KLHL11: variants seen among roughly 807,000 people sequenced by gnomAD.
The protein encoded by KLHL11 is kelch-like protein 11.
A neutral mutation model predicts 56.1 loss-of-function variants in KLHL11; 26 were observed. The observed-to-expected ratio is 0.46, with a 90% CI of 0.34 to 0.64. KLHL11 has a LOEUF of 0.64. KLHL11 is among the 30% of genes least tolerant of loss of function. The pLI, the probability that KLHL11 is intolerant of heterozygous loss-of-function variation, is 0.01. For missense variants in KLHL11, 627 were observed against 919.4 expected, an observed-to-expected ratio of 0.68 and a Z score of 4.11; for synonymous variants, 338 against 345.8, an observed-to-expected ratio of 0.98 and a Z score of 0.25.
intron 1 of KLHL11, among the ~76,000 whole-genome samples, chr17:41,862,559 C>T (rs763246652): frequency 7.2e-5 from 11 of 151,932 alleles, no homozygotes; most frequent in Non-Finnish European, 1.6e-4. Flanking sequence ...GGATTACTGG[C>T]GTGAGCCACC....
In KLHL11 at chr17:41,853,107, T is replaced by C. The variant is rs1444203842; in HGVS notation, c.*633A>G. ...TGAAGGCTTAAAGTCTATAAACAGC[T>C]GCTAATGAAAAATATTCAAAAAATG... On this transcript the variant is annotated 3_prime_UTR_variant, in exon 2 of 2. Coordinates refer to ENST00000319121, the MANE Select transcript of KLHL11 (RefSeq NM_018143.3). Among the ~76,000 whole-genome samples, 1 of 152,170 alleles carries C rather than the reference T, an allele frequency of 6.6e-6. No individual in the cohort carries two copies. The highest frequency in any genetic ancestry group is 2.4e-5 in the African/African-American group (1 of 41,430).
chr17:41,865,307 C>T lies in KLHL11; in HGVS notation c.64G>A (p.Glu22Lys), dbSNP rs2048434931. The change falls in exon 1 of 2, where the codon GAG (glutamate) becomes AAG (lysine). Residue 22 changes from glutamate (E) to lysine (K), a missense_variant. Transcript: ENST00000319121. ...AAAAASLQVLEMESMETAAAG... is the reference protein window; with the variant it reads ...AAAAASLQVLKMESMETAAAG... ...GCGGCCGTCTCCATGCTCTCCATCTCCAGTACCTGAAGAGATGCAGCCGCG... is the reference window on the plus strand; with the variant it reads ...GCGGCCGTCTCCATGCTCTCCATCTTCAGTACCTGAAGAGATGCAGCCGCG... 4 of 1,552,048 alleles carry T rather than the reference C, an allele frequency of 2.6e-6. No individual in the cohort carries two copies.
intron 1 of KLHL11, among the ~76,000 whole-genome samples, chr17:41,857,964 G>A (rs34200091): frequency 0.14 from 21,959 of 151,764 alleles, 1,743 homozygotes; most frequent in East Asian, 0.18. Context: ...TTACAGGCGC[G>A]CGCCACCACA....
Position 41,855,203 on chromosome 17 carries a change from G to C in KLHL11, c.664C>G (p.Leu222Val). ...AHMYTLSQLA[L>V]KAADMIRRNF... ...CTCCGTATCATATCAGCAGCCTTCA[G>C]AGCAAGTTGGCTCAGGGTGTACATG... Residue 222 changes from leucine (L) to valine (V), a missense_variant, in exon 2 of 2, where the codon CTG becomes GTG. By Grantham distance (32) the Leu-to-Val change is conservative (BLOSUM62 1). Around this residue, in one of 4 missense-constraint regions of KLHL11, gnomAD observed 150 missense variants for 215.7 expected, o/e 0.70. Coordinates refer to ENST00000319121, the MANE Select transcript of KLHL11 (RefSeq NM_018143.3). 6.2e-7 allele frequency: 1 copy of C among 1,614,118 alleles called. No homozygotes were observed. The highest frequency in any genetic ancestry group is 8.5e-7 in the Non-Finnish European group (1 of 1,180,022).
Position 41,865,083 on chromosome 17 carries a change from A to G in KLHL11, c.288T>C (p.Ile96=). The G allele has an allele frequency of 6.2e-7, 1 of 1,602,170 alleles. No individual in the cohort carries two copies. Among genetic ancestry groups the G allele is most frequent in the Non-Finnish European group, 8.5e-7 (1 of 1,173,126 alleles). The change falls in exon 1 of 2, where the codon ATT becomes ATC. Residue 96 remains isoleucine, a synonymous_variant. Transcript: ENST00000319121. The part of the protein sequence containing the change: ...EQRRQGLFCD[I]TLCFGGAGGR... ...CTCCAGCCCCGCCGAAGCACAGGGT[A>G]ATGTCGCAGAAGAGGCCCTGGCGCC...
chr17:41,858,404 A>T (rs868968284), intron 1 of KLHL11, among the ~76,000 whole-genome samples: 52 of 66,942 alleles, frequency 7.8e-4, no homozygotes, highest in African/African-American at 1.8e-3. Flanking sequence ...ATATATATAT[A>T]TTTTTTGTTG....
At chr17:41,859,490 G>A (rs534469517) in intron 1 of KLHL11, among the ~76,000 whole-genome samples, 1 of 152,140 alleles carries the variant, frequency 6.6e-6, no homozygotes, top group Non-Finnish European at 1.5e-5. Flanking sequence ...GCTTGAACCC[G>A]GGAGGTGGAG....
chr17:41,854,582 T>C lies in KLHL11; in HGVS notation c.1285A>G (p.Asn429Asp). 1 of 1,614,236 alleles carries C rather than the reference T, an allele frequency of 6.2e-7. No individual in the cohort carries two copies. Among genetic ancestry groups the C allele is most frequent in the East Asian group, 2.2e-5 (1 of 44,892 alleles). The change falls in exon 2 of 2, where the codon AAT becomes GAT. Residue 429 changes from asparagine to aspartate, a missense_variant. Physicochemically the swap from Asn to Asp is conservative, Grantham distance 23. Coordinates refer to ENST00000319121, the MANE Select transcript of KLHL11 (RefSeq NM_018143.3). The surrounding 1 kb of genome is among the most constrained non-coding windows in gnomAD (Gnocchi z 4.9). ...CAAACATGTTCCCATGTATTCAAAT[T>C]TGGGTTATACCTTTCTACAGTTTTA... Reference protein sequence around the residue: ...FAKTVERYNPNLNTWEHVCSL... With the variant: ...FAKTVERYNPDLNTWEHVCSL...
At position 41,851,476 on chromosome 17, in the gene KLHL11, C is replaced by T. The variant is rs2048331554; in HGVS notation, c.*2264G>A. The T allele has an allele frequency of 6.6e-6, 1 of 151,954 alleles. No homozygotes were observed. The highest frequency in any genetic ancestry group is 6.6e-5 in the Admixed American group (1 of 15,242). 9.4% of individuals were successfully genotyped at this position (151,954 alleles called of 1,614,324 possible). The stretch of plus-strand genomic sequence containing the variant: ...AATTAGCCGGGCGTGGTGGTACACA[C>T]CTGCAATCCCAGCTACTCAGCAGGC... On this transcript the variant is annotated 3_prime_UTR_variant, in exon 2 of 2. Transcript: ENST00000319121.
Position 41,863,527 on chromosome 17 carries a change from A to G in KLHL11, c.545+1299T>C, listed in dbSNP as rs113898327. 1.6e-3 allele frequency among the ~76,000 whole-genome samples: 237 copies of G among 152,230 alleles called. 2 individuals carry two copies. The highest frequency in any genetic ancestry group is 5.5e-3 in the African/African-American group (228 of 41,540). Reference sequence around the variant, plus strand: ...TCCTTTTTTCAGCACAGCACTATTCATCAAATCAGACTGCATCATTCCTCT... The same window carrying G: ...TCCTTTTTTCAGCACAGCACTATTCGTCAAATCAGACTGCATCATTCCTCT... On this transcript the variant is annotated intron_variant, in intron 1 of 1. Coordinates refer to ENST00000319121, the MANE Select transcript of KLHL11 (RefSeq NM_018143.3).
In KLHL11 at chr17:41,853,887, C is replaced by A; in HGVS notation, c.1980G>T (p.Arg660Ser). The A allele has an allele frequency of 6.2e-7, 1 of 1,614,126 alleles. No homozygotes were observed. The highest frequency in any genetic ancestry group is 8.5e-7 in the Non-Finnish European group (1 of 1,180,046). ...PRCRATACHV[R>S]IPYRYLHGTQ... ...TGCCATGCAAGTACCGGTATGGGAT[C>A]CTCACGTGACAAGCAGTGGCTCTAC... The change falls in exon 2 of 2, where the codon AGG (arginine) becomes AGT (serine). Residue 660 changes from arginine (R) to serine (S), a missense_variant. Arg to Ser is a moderately radical substitution (Grantham distance 110). This residue lies in a region of KLHL11 where 250 missense variants were observed against 360.6 expected (regional missense o/e 0.69). Transcript: ENST00000319121.
rs2144151265 is a variant in KLHL11, at chr17:41,853,684, T to C, written c.*56A>G. On this transcript the variant is annotated 3_prime_UTR_variant, in exon 2 of 2. Coordinates refer to ENST00000319121, the MANE Select transcript of KLHL11 (RefSeq NM_018143.3). Reference sequence around the variant, plus strand: ...ATACTTTTTTAAATAACAGCCTGGGTATCTTCAGCTTCACGAAACGGGTGT... The same window carrying C: ...ATACTTTTTTAAATAACAGCCTGGGCATCTTCAGCTTCACGAAACGGGTGT... 1 of 1,532,448 alleles carries C rather than the reference T, an allele frequency of 6.5e-7. No homozygotes were observed. Among genetic ancestry groups the C allele is most frequent in the African/African-American group, 1.4e-5 (1 of 72,772 alleles). 94.9% of individuals were successfully genotyped at this position (1,532,448 alleles called of 1,614,324 possible). A position where few individuals can be genotyped will look rare whatever the true frequency, so the allele number is the denominator to read the frequency against.
At position 41,858,070 on chromosome 17, in the gene KLHL11, G is replaced by A. The variant is rs186841226; in HGVS notation, c.546-2749C>T. Among the ~76,000 whole-genome samples the A allele has an allele frequency of 2.6e-3, 388 of 151,942 alleles. 3 individuals carry two copies. The highest frequency in any genetic ancestry group is 8.9e-3 in the African/African-American group (369 of 41,412). ...TGACCTCAGGTGACCCACTTGCCTC[G>A]CCCTCCCAAAGTGCTGGGGTTACAG... On this transcript the variant is annotated intron_variant, in intron 1 of 1. Coordinates refer to ENST00000319121, the MANE Select transcript of KLHL11 (RefSeq NM_018143.3).
Position 41,865,333 on chromosome 17 carries a change from G to A in KLHL11, c.38C>T (p.Ala13Val), listed in dbSNP as rs1054868854. The A allele has an allele frequency of 3.6e-6, 5 of 1,374,090 alleles. No individual in the cohort carries two copies. Among genetic ancestry groups the A allele is most frequent in the Admixed American group, 3.4e-5 (1 of 29,518 alleles). 85.1% of individuals were successfully genotyped at this position (1,374,090 alleles called of 1,614,324 possible). ...CAGTACCTGAAGAGATGCAGCCGCG[G>A]CCGCCGCCGCCGCCGCCGCCACTGC... is the stretch of plus-strand genomic sequence containing the variant. ...AAAVAAAAAA[A>V]AAASLQVLEM... Residue 13 changes from alanine to valine, a missense_variant, in exon 1 of 2, where the codon GCC becomes GTC. By Grantham distance (64) the Ala-to-Val change is moderately conservative (BLOSUM62 0). Around this residue, in one of 4 missense-constraint regions of KLHL11, gnomAD observed 121 missense variants for 116.2 expected, o/e 1.04. Coordinates refer to ENST00000319121, the MANE Select transcript of KLHL11 (RefSeq NM_018143.3).
Position 41,865,280 on chromosome 17 carries a change from C to T in KLHL11, c.91G>A (p.Ala31Thr), listed in dbSNP as rs782049707. 4.5e-6 allele frequency: 7 copies of T among 1,569,088 alleles called. No homozygotes were observed. The highest frequency in any genetic ancestry group is 2.3e-5 in the East Asian group (1 of 42,876). Reference protein sequence around the residue: ...LEMESMETAAAGSAGLAAEVR... With the variant: ...LEMESMETAATGSAGLAAEVR... ...TCGGCGGCCAGTCCTGCCGAGCCGG[C>T]GGCGGCCGTCTCCATGCTCTCCATC... The change falls in exon 1 of 2, where the codon GCC (alanine) becomes ACC (threonine). Residue 31 changes from alanine (A) to threonine (T), a missense_variant. Coordinates refer to ENST00000319121, the MANE Select transcript of KLHL11 (RefSeq NM_018143.3).
At chr17:41,864,787 G>T in intron 1 of KLHL11, 39 bp downstream of exon 1, 1 of 1,478,002 alleles carries the variant, frequency 6.8e-7, no homozygotes. Context: ...CCCCCTCTCC[G>T]CGCCCGCCGC....
At position 41,854,874 on chromosome 17, in the gene KLHL11, C is replaced by T; in HGVS notation, c.993G>A (p.Leu331=). 6.2e-7 allele frequency: 1 copy of T among 1,614,228 alleles called. No individual in the cohort carries two copies. Among genetic ancestry groups the T allele is most frequent in the Admixed American group, 1.7e-5 (1 of 60,028 alleles). Residue 331 remains leucine, a synonymous_variant, in exon 2 of 2, where the codon CTG becomes CTA. Transcript: ENST00000319121. This position sits in a 1 kb window ranked among gnomAD's most constrained non-coding sequence, Gnocchi z 4.9. ...TGCCAGATTGTATATTCTCAGCTCT[C>T]AGAGCATGTCTCTCCACTGCGTCAG... ...LVADAVERHA[L]RAENIQSGTC...
intron 1 of KLHL11, among the ~76,000 whole-genome samples, chr17:41,856,877 G>A (rs975124414): frequency 6.6e-6 from 1 of 151,986 alleles, no homozygotes; most frequent in African/African-American, 2.4e-5. Context: ...AAAATTAGCT[G>A]GGCATGGTGG....
rs141980510 is a variant in KLHL11, at chr17:41,861,642, C to T, written c.545+3184G>A. Among the ~76,000 whole-genome samples the T allele has an allele frequency of 3.8e-3, 499 of 130,950 alleles. 6 individuals are homozygous for T. Among genetic ancestry groups the T allele is most frequent in the African/African-American group, 0.014 (481 of 34,600 alleles). 85.9% of individuals were successfully genotyped at this position (130,950 alleles called of 152,430 possible). A position where few individuals can be genotyped will look rare whatever the true frequency, so the allele number is the denominator to read the frequency against. Reference sequence around the variant, plus strand: ...CAGAGGTTGCAGTGAGCCGAGATTGCGACATTGCACTCCAGCCTGGGAAAC... The same window carrying T: ...CAGAGGTTGCAGTGAGCCGAGATTGTGACATTGCACTCCAGCCTGGGAAAC... On this transcript the variant is annotated intron_variant, in intron 1 of 1. Coordinates refer to ENST00000319121, the MANE Select transcript of KLHL11 (RefSeq NM_018143.3).
Sources: gnomAD v4.1 joint callset for allele counts (sites outside exome capture counted in the v4.1 genomes callset) on GRCh38, gnomAD v4.1.1 for gene constraint, gnomAD v4.1.1 regional missense constraint, Gnocchi (gnomAD v3.1) non-coding constraint, MANE v1.5 for transcripts, NCBI Gene and HGNC (gene_info 2026-07-23, HGNC 2026-07-21) for gene names.